The following WDR20 variants were observed in gnomAD, a reference collection of about 807,000 sequenced individuals.
WDR20 encodes WD repeat-containing protein 20.
In WDR20, 3 loss-of-function variants were observed where a neutral mutation model predicts 38.7. The ratio of observed to expected loss-of-function variants is 0.08; its 90% CI spans 0.04 to 0.20. The LOEUF (loss-of-function observed/expected upper bound fraction) is 0.20, where lower values mean the gene tolerates loss of function less well. Among genes scored for constraint, WDR20 ranks in the 10% least tolerant of loss-of-function variants. The pLI, the probability that WDR20 is intolerant of heterozygous loss-of-function variation, is 1.00. For synonymous variants in WDR20, 298 were observed against 285.6 expected (o/e 1.04, Z -0.44); for missense variants, 559 against 727.7 (o/e 0.77, Z 2.67).
chr14:102,176,479 A>G (rs1039695557), intron 1 of WDR20, among the ~76,000 whole-genome samples: 1 of 152,190 alleles, frequency 6.6e-6, no homozygotes, highest in Non-Finnish European at 1.5e-5. Context: ...CGGGCGGATC[A>G]TGAGGTCAAG....
intron 1 of WDR20, among the ~76,000 whole-genome samples, chr14:102,192,053 G>A (rs2058598989): frequency 6.6e-6 from 1 of 152,144 alleles, no homozygotes; most frequent in African/African-American, 2.4e-5. Flanking sequence ...TGTACTACAG[G>A]CAGTGCATTT....
intron 1 of WDR20, among the ~76,000 whole-genome samples, chr14:102,185,194 C>G (rs1303804334): frequency 6.6e-6 from 1 of 152,056 alleles, no homozygotes; most frequent in Non-Finnish European, 1.5e-5. Context: ...TTTTCAAAGC[C>G]CATATGATAA....
intron 1 of WDR20, among the ~76,000 whole-genome samples, chr14:102,150,075 T>G (rs2055220989): frequency 1.3e-5 from 2 of 152,368 alleles, no homozygotes; most frequent in South Asian, 4.1e-4. Flanking sequence ...TTACAGCTTA[T>G]CTTGCTTTGT....
chr14:102,180,672 ACT>A, intron 1 of WDR20, among the ~76,000 whole-genome samples: 1 of 152,118 alleles, frequency 6.6e-6, no homozygotes, highest in East Asian at 1.9e-4. Context: ...TAGTTGTAGT[ACT>A]CTACACGGAG....
chr14:102,213,249 T>C, downstream of WDR20: 2 of 985,416 alleles, frequency 2.0e-6, no homozygotes, highest in Non-Finnish European at 2.4e-6. Context: ...AATTAAAAAT[T>C]CCCCCAGCGG....
intron 1 of WDR20, among the ~76,000 whole-genome samples, chr14:102,190,232 TTGTAAAGTTCCTGGTGCAGG>T (rs2065982219): frequency 1.3e-5 from 2 of 152,110 alleles, no homozygotes; most frequent in South Asian, 2.1e-4. Context: ...TGGATGATGA[TTGTAAAGTTCCTGGTGCAGG>T]CCTGGCACAT....
intron 1 of WDR20, among the ~76,000 whole-genome samples, chr14:102,187,166 C>T (rs574606804): frequency 2.0e-5 from 3 of 152,222 alleles, no homozygotes; most frequent in South Asian, 2.1e-4. Flanking sequence ...GCACTACAGT[C>T]GTTCTCTTCT....
exon 4 of WDR20, chr14:102,223,524 T>C (rs796608374): frequency 4.0e-5 from 6 of 148,546 alleles, no homozygotes; most frequent in African/African-American, 1.5e-4. Flanking sequence ...TAAAATAAAC[T>C]GTTGTTTCCA....
At chr14:102,168,747 C>G (rs2060253236) in intron 1 of WDR20, among the ~76,000 whole-genome samples, 1 of 152,084 alleles carries the variant, frequency 6.6e-6, no homozygotes, top group South Asian at 2.1e-4. Context: ...GATCTACTTC[C>G]AGTCCTTTCA....
intron 1 of WDR20, among the ~76,000 whole-genome samples, chr14:102,147,397 G>T (rs917057993): frequency 1.3e-5 from 2 of 152,112 alleles, no homozygotes; most frequent in Non-Finnish European, 2.9e-5. Context: ...AAAAAAGGAG[G>T]ACTTCATGGG....
intron 1 of WDR20, among the ~76,000 whole-genome samples, chr14:102,175,641 G>T (rs1314287531): frequency 6.6e-6 from 1 of 152,114 alleles, no homozygotes; most frequent in Non-Finnish European, 1.5e-5. Context: ...ATTGCTTTTG[G>T]CAGTGAGGTC....
intron 1 of WDR20, among the ~76,000 whole-genome samples, chr14:102,158,961 A>G (rs1220908674): frequency 1.3e-5 from 2 of 151,180 alleles, no homozygotes; most frequent in East Asian, 3.9e-4. Flanking sequence ...CTTTTTTTTT[A>G]AGGCAGGGTC....
downstream of WDR20, among the ~76,000 whole-genome samples, chr14:102,217,730 T>C (rs1265835410): frequency 6.6e-6 from 1 of 152,216 alleles, no homozygotes; most frequent in Non-Finnish European, 1.5e-5. Flanking sequence ...CTTTCTGTTG[T>C]GGTCTGTGTA....
intron 2 of WDR20, among the ~76,000 whole-genome samples, chr14:102,201,264 G>C (rs545745131): frequency 1.5e-3 from 225 of 152,006 alleles, no homozygotes; most frequent in African/African-American, 5.3e-3. Flanking sequence ...TGTGGTTTTT[G>C]AATTGTTTCA....
At chr14:102,154,895 A>G (rs1027028217) in intron 1 of WDR20, among the ~76,000 whole-genome samples, 5 of 152,308 alleles carry the variant, frequency 3.3e-5, no homozygotes, top group Admixed American at 6.5e-5. Context: ...TTCCTACTTT[A>G]TGGAAGAAGA....
intron 1 of WDR20, among the ~76,000 whole-genome samples, chr14:102,160,933 GC>G (rs1596034248): frequency 9.4e-6 from 1 of 106,278 alleles, no homozygotes; most frequent in South Asian, 3.2e-4. Context: ...GGGTGACAGG[GC>G]AAGACTCTGT....
At chr14:102,161,241 C>A (rs2058685825) in intron 1 of WDR20, among the ~76,000 whole-genome samples, 1 of 145,200 alleles carries the variant, frequency 6.9e-6, no homozygotes, top group African/African-American at 2.6e-5. Context: ...ACCTCCGCCT[C>A]CCGGGTTCAA....
chr14:102,193,514 G>A, intron 1 of WDR20: 2 of 1,613,116 alleles, frequency 1.2e-6, no homozygotes, highest in East Asian at 2.2e-5. Context: ...TTTTAACTGA[G>A]GTGAGGCTGG....
chr14:102,181,120 A>G (rs1300589364), intron 1 of WDR20, among the ~76,000 whole-genome samples: 1 of 152,098 alleles, frequency 6.6e-6, no homozygotes, highest in Non-Finnish European at 1.5e-5. Context: ...GGCAGCATTC[A>G]GAACATAACT....
Sources: gnomAD v4.1 joint callset for allele counts (sites outside exome capture counted in the v4.1 genomes callset) on GRCh38, gnomAD v4.1.1 for gene constraint, MANE v1.5 for transcripts, NCBI Gene and HGNC (gene_info 2026-07-23, HGNC 2026-07-21) for gene names.